The following RAB30 variants were observed in gnomAD, a reference collection of about 807,000 sequenced individuals.
RAB30 encodes RAB30, member RAS oncogene family, also known as ras-related protein Rab-30.
Under a neutral mutation model 25.1 loss-of-function variants are expected in RAB30, and 9 were observed. That is an observed-to-expected ratio of 0.36 (90% CI 0.22 to 0.63). RAB30 has a LOEUF of 0.63. RAB30 is among the 20% of genes least tolerant of loss of function. The pLI is 0.69. For synonymous variants in RAB30, 77 were observed against 86.4 expected (o/e 0.89, Z 0.60); for missense variants, 140 against 243.5 (o/e 0.58, Z 2.83).
rs1858851658 is a variant in RAB30, at chr11:83,071,687, T to G, written c.-9+4A>C. ...AAGCATTTGAATAAATCACTTCAAC[T>G]CACCTGGTTTGGGATTTTTCTCCCC... On this transcript the variant is annotated splice_donor_region_variant and intron_variant, in intron 1 of 4. Transcript: ENST00000527633. 6.0e-6 allele frequency: 1 copy of G among 167,760 alleles called. No homozygotes were observed. The highest frequency in any genetic ancestry group is 2.4e-5 in the African/African-American group (1 of 42,044). The allele number at this position is 167,760 out of a possible 1,614,324, so 10.4% of individuals were successfully genotyped here. A position where few individuals can be genotyped will look rare whatever the true frequency, so the allele number is the denominator to read the frequency against.
intron 1 of RAB30, among the ~76,000 whole-genome samples, chr11:83,021,279 A>G (rs995611204): frequency 6.6e-6 from 1 of 152,210 alleles, no homozygotes; most frequent in Non-Finnish European, 1.5e-5. Flanking sequence ...GGATTGAAAC[A>G]TGTCCCTTGC....
chr11:83,033,156 C>A (rs112272441), intron 1 of RAB30, among the ~76,000 whole-genome samples: 1 of 144,604 alleles, frequency 6.9e-6, no homozygotes, highest in East Asian at 2.0e-4. Context: ...CCTCTGCTTT[C>A]CGGGTTCAAG....
rs78327530 is a variant in RAB30 at position 83,046,595 on chromosome 11, G to A, written c.-9+25096C>T. ...TGCATCCCTGAACTCCTGGGTTCAAGCCATCTCCCCACCTTAGTCTCCTGA... is the reference window on the plus strand; with the variant it reads ...TGCATCCCTGAACTCCTGGGTTCAAACCATCTCCCCACCTTAGTCTCCTGA... On this transcript the variant is annotated intron_variant, in intron 1 of 4. Coordinates refer to ENST00000527633, the MANE Select transcript of RAB30 (RefSeq NM_001286060.2). Among the ~76,000 whole-genome samples the A allele has an allele frequency of 7.1e-3, 1,084 of 152,086 alleles. 6 individuals carry two copies. Among genetic ancestry groups the A allele is most frequent in the Non-Finnish European group, 0.012 (809 of 67,986 alleles).
chr11:83,008,546 A>G (rs935745885), intron 1 of RAB30, among the ~76,000 whole-genome samples: 1 of 152,156 alleles, frequency 6.6e-6, no homozygotes, highest in Non-Finnish European at 1.5e-5. Flanking sequence ...TGTTACTATC[A>G]ATGTTTTTAC....
chr11:82,985,714 C>A (rs1362316262), intron 4 of RAB30, among the ~76,000 whole-genome samples: 3 of 128,920 alleles, frequency 2.3e-5, no homozygotes, highest in Admixed American at 7.9e-5. Flanking sequence ...CCTTACTTGG[C>A]TTTTTTTTTT....
At position 83,069,456 on chromosome 11, in the gene RAB30, T is replaced by C. The variant is rs922986050; in HGVS notation, c.-9+2235A>G. On this transcript the variant is annotated intron_variant, in intron 1 of 4. Coordinates refer to ENST00000527633, the MANE Select transcript of RAB30 (RefSeq NM_001286060.2). Reference sequence around the variant, plus strand: ...AGAATAAAATAACAAACTTCTTTCCTGCACAGAGGAGAAGAAACAACCAGG... The same window carrying C: ...AGAATAAAATAACAAACTTCTTTCCCGCACAGAGGAGAAGAAACAACCAGG... Among the ~76,000 whole-genome samples the C allele has an allele frequency of 2.0e-5, 3 of 152,174 alleles. No individual in the cohort carries two copies. In the East Asian group the frequency reaches 5.8e-4, roughly 29 times the overall value.
chr11:83,007,331 T>C (rs1857205812), intron 1 of RAB30, among the ~76,000 whole-genome samples: 1 of 152,160 alleles, frequency 6.6e-6, no homozygotes, highest in African/African-American at 2.4e-5. Flanking sequence ...CTTAGAATAC[T>C]TTTCAAGATA....
chr11:83,002,392 T>C (rs1204421274), intron 1 of RAB30, among the ~76,000 whole-genome samples: 1 of 152,100 alleles, frequency 6.6e-6, no homozygotes. Flanking sequence ...TCCCTGTAAC[T>C]AAGTACCAGG....
rs1037810637 is a variant in RAB30, at chr11:82,975,909, G to T, written c.*6256C>A. ...GGCAAATGTGGCTCCTTAAAAAGAA[G>T]ATAGGGATCAACCCAGTTTTCTTCC... On this transcript the variant is annotated 3_prime_UTR_variant, in exon 5 of 5. Transcript: ENST00000527633. The T allele has an allele frequency of 1.3e-5, 2 of 152,068 alleles. No individual in the cohort carries two copies. The highest frequency in any genetic ancestry group is 4.8e-5 in the African/African-American group (2 of 41,424). The allele number at this position is 152,068 out of a possible 1,614,324, so 9.4% of individuals were successfully genotyped here.
At chr11:83,024,244 C>A (rs1224659512) in intron 1 of RAB30, among the ~76,000 whole-genome samples, 1 of 152,210 alleles carries the variant, frequency 6.6e-6, no homozygotes, top group Admixed American at 6.5e-5. Context: ...ATAAGGTCAG[C>A]ATCTCTTGTT....
chr11:83,041,396 C>T, intron 1 of RAB30: 1 of 178,362 alleles, frequency 5.6e-6, no homozygotes, highest in Non-Finnish European at 1.2e-5. Flanking sequence ...TTTCCAAAGG[C>T]ACCTCCACTG....
chr11:83,070,462 G>A (rs542784567), intron 1 of RAB30, among the ~76,000 whole-genome samples: 41 of 152,306 alleles, frequency 2.7e-4, no homozygotes, highest in Middle Eastern at 3.4e-3. Context: ...ACTCAGCTAG[G>A]AAAAGGTTTA....
chr11:83,006,410 G>T (rs947445673), intron 1 of RAB30, among the ~76,000 whole-genome samples: 1 of 152,188 alleles, frequency 6.6e-6, no homozygotes, highest in African/African-American at 2.4e-5. Context: ...TGTATTAAAT[G>T]AAAGAAGCAA....
chr11:83,025,973 G>A (rs1331300194), intron 1 of RAB30, among the ~76,000 whole-genome samples: 1 of 152,124 alleles, frequency 6.6e-6, no homozygotes, highest in Admixed American at 6.5e-5. Context: ...AGGATTGCTT[G>A]AGCCCAGGAG....
chr11:83,002,326 T>TCAGG (rs1349930844), intron 1 of RAB30, among the ~76,000 whole-genome samples: 1 of 152,190 alleles, frequency 6.6e-6, no homozygotes, highest in Non-Finnish European at 1.5e-5. Context: ...CAGGATTCTT[T>TCAGG]CAGGACCTGA....
chr11:83,034,573 C>T (rs907400040), intron 1 of RAB30: 1 of 152,046 alleles, frequency 6.6e-6, no homozygotes, highest in Non-Finnish European at 1.5e-5. Context: ...ATGAAACAGT[C>T]ATTTAAAAAA....
At chr11:83,038,714 G>A (rs952028848) in intron 1 of RAB30, 7 of 152,028 alleles carry the variant, frequency 4.6e-5, no homozygotes, top group African/African-American at 1.7e-4. Flanking sequence ...CCAGCTACTT[G>A]AGAGGCTAAG....
chr11:83,053,743 C>T (rs975817954), intron 1 of RAB30, among the ~76,000 whole-genome samples: 4 of 152,092 alleles, frequency 2.6e-5, no homozygotes, highest in African/African-American at 9.7e-5. Context: ...TCATATATGA[C>T]TAAATTTTCC....
At chr11:83,062,874 G>A (rs951571820) in intron 1 of RAB30, among the ~76,000 whole-genome samples, 4 of 151,890 alleles carry the variant, frequency 2.6e-5, no homozygotes, top group African/African-American at 9.7e-5. Context: ...ATGGTGGTGG[G>A]CACCTGTAAT....
Sources: gnomAD v4.1 joint callset for allele counts (sites outside exome capture counted in the v4.1 genomes callset) on GRCh38, gnomAD v4.1.1 for gene constraint, MANE v1.5 for transcripts, NCBI Gene and HGNC (gene_info 2026-07-23, HGNC 2026-07-21) for gene names.